NIM1K: variants seen among roughly 807,000 people sequenced by gnomAD.
NIM1K encodes the protein serine/threonine-protein kinase NIM1.
NIM1K carries 35 observed loss-of-function variants against 37.1 expected under a neutral mutation model. The ratio of observed to expected loss-of-function variants is 0.94; its 90% confidence interval spans 0.72 to 1.25. The LOEUF (loss-of-function observed/expected upper bound fraction) is 1.25, where lower values mean the gene tolerates loss of function less well. Ranked by LOEUF, NIM1K falls within the 50% of genes most tolerant of loss-of-function variation. The pLI is 0.00. For missense variants in NIM1K, 564 were observed against 548.0 expected, an observed-to-expected ratio of 1.03 and a Z score of -0.29; for synonymous variants, 234 against 206.6, an observed-to-expected ratio of 1.13 and a Z score of -1.14.
chr5:43,218,853 A>T (rs1433979023), intron 1 of NIM1K, among the ~76,000 whole-genome samples: 1 of 151,400 alleles, frequency 6.6e-6, no homozygotes, highest in East Asian at 1.9e-4. Context: ...TCCACCCACC[A>T]TGAGCTGAGA....
chr5:43,195,927 G>A (rs1485671914), intron 1 of NIM1K, among the ~76,000 whole-genome samples: 1 of 152,214 alleles, frequency 6.6e-6, no homozygotes, highest in Non-Finnish European at 1.5e-5. Context: ...GGAAAACGAA[G>A]TTGCAGAATA....
chr5:43,280,432 A>G lies in NIM1K; in HGVS notation c.1014A>G (p.Gln338=), dbSNP rs770228905. Residue 338 remains glutamine, a synonymous_variant, in exon 4 of 4, where the codon CAA becomes CAG. Coordinates refer to ENST00000326035, the MANE Select transcript of NIM1K (RefSeq NM_153361.4). ...VPYPTPLEPF[Q]LDPKHLSETS... is the part of the protein sequence containing the mutation. ...ACCCTACACCTTTGGAACCTTTCCAACTGGATCCCAAACATTTGTCGGAAA... is the reference window on the plus strand; with the variant it reads ...ACCCTACACCTTTGGAACCTTTCCAGCTGGATCCCAAACATTTGTCGGAAA... The G allele has an allele frequency of 7.4e-6, 12 of 1,614,058 alleles. No individual in the cohort carries two copies. The highest frequency in any genetic ancestry group is 3.3e-5 in the South Asian group (3 of 91,078).
intron 1 of NIM1K, chr5:43,232,459 G>A (rs1752553804): frequency 1.0e-5 from 15 of 1,494,012 alleles, no homozygotes; most frequent in Non-Finnish European, 1.3e-5. Flanking sequence ...GGGAAGCAGT[G>A]ATGGAGGACA....
intron 2 of NIM1K, among the ~76,000 whole-genome samples, chr5:43,271,267 T>C (rs1753252172): frequency 6.6e-6 from 1 of 152,164 alleles, no homozygotes; most frequent in Non-Finnish European, 1.5e-5. Context: ...ATATTTTTCC[T>C]TCTTCCCCGT....
intron 2 of NIM1K, among the ~76,000 whole-genome samples, chr5:43,271,390 G>GAA (rs1176257256): frequency 4.2e-4 from 64 of 151,918 alleles, no homozygotes; most frequent in Non-Finnish European, 1.3e-4. Context: ...AAAAATACTA[G>GAA]AACTTCCTTT....
intron 1 of NIM1K, among the ~76,000 whole-genome samples, chr5:43,233,702 G>A (rs1381130968): frequency 2.6e-5 from 4 of 152,178 alleles, no homozygotes; most frequent in Non-Finnish European, 4.4e-5. Context: ...AAGTTACAAG[G>A]CAGCAAAAGA....
chr5:43,204,568 GGT>G (rs1450468718), intron 1 of NIM1K, among the ~76,000 whole-genome samples: 1 of 151,804 alleles, frequency 6.6e-6, no homozygotes, highest in African/African-American at 2.4e-5. Context: ...AGGCGGGCAT[GGT>G]GGTGGGTGCC....
At chr5:43,274,412 G>A (rs955424608) in intron 2 of NIM1K, among the ~76,000 whole-genome samples, 1 of 152,116 alleles carries the variant, frequency 6.6e-6, no homozygotes, top group Admixed American at 6.5e-5. Context: ...GAGAACTGAG[G>A]AGAAGCAGTG....
chr5:43,238,606 C>G (rs1195106482), intron 1 of NIM1K, among the ~76,000 whole-genome samples: 1 of 151,820 alleles, frequency 6.6e-6, no homozygotes, highest in Non-Finnish European at 1.5e-5. Flanking sequence ...TTCAGTCATT[C>G]ATTCTAAGCA....
In NIM1K at chr5:43,280,055, GGCGATTTTGGATTCA is replaced by G; in HGVS notation, c.640_654del (p.Asp214_Ser218del). The G allele has an allele frequency of 1.9e-6, 3 of 1,614,112 alleles. No individual in the cohort carries two copies. The highest frequency in any genetic ancestry group is 1.7e-6 in the Non-Finnish European group (2 of 1,180,006). ...TACCAGTAATACTTGTGTGAAGGTG[GGCGATTTTGGATTCA>G]GCACAGTAAGCAAAAAAGGTGAAAT... On this transcript the variant is annotated inframe_deletion, in exon 4 of 4. Transcript: ENST00000326035.
At chr5:43,232,546 G>A in intron 1 of NIM1K, 1 of 1,579,370 alleles carries the variant, frequency 6.3e-7, no homozygotes, top group Admixed American at 1.7e-5. Context: ...GATATCATAA[G>A]TGGCCTCATT....
chr5:43,216,472 A>T (rs756343087), intron 1 of NIM1K, among the ~76,000 whole-genome samples: 4 of 152,238 alleles, frequency 2.6e-5, no homozygotes, highest in Non-Finnish European at 5.9e-5. Context: ...TGGTAGTGCA[A>T]TAAAGAAAGG....
chr5:43,270,047 T>G (rs1370778364), intron 2 of NIM1K, among the ~76,000 whole-genome samples: 1 of 152,216 alleles, frequency 6.6e-6, no homozygotes, highest in Non-Finnish European at 1.5e-5. Context: ...GCTGGTCTGG[T>G]AGTTACAAAT....
At chr5:43,267,863 C>T (rs1753188620) in intron 2 of NIM1K, among the ~76,000 whole-genome samples, 3 of 152,068 alleles carry the variant, frequency 2.0e-5, no homozygotes, top group Admixed American at 6.6e-5. Flanking sequence ...TGTTTTGTAG[C>T]CAATCTTATG....
chr5:43,251,360 G>T (rs193132675), intron 2 of NIM1K, among the ~76,000 whole-genome samples: 1 of 152,316 alleles, frequency 6.6e-6, no homozygotes, highest in Non-Finnish European at 1.5e-5. Flanking sequence ...TTTTTACGCT[G>T]TGATTCAGTG....
At chr5:43,279,097 C>T (rs1165656127) in intron 3 of NIM1K, among the ~76,000 whole-genome samples, 2 of 152,200 alleles carry the variant, frequency 1.3e-5, no homozygotes, top group African/African-American at 2.4e-5. Context: ...GCCATTTCTC[C>T]AACGCTCTGC....
At chr5:43,219,534 C>T (rs1752352112) in intron 1 of NIM1K, among the ~76,000 whole-genome samples, 1 of 152,110 alleles carries the variant, frequency 6.6e-6, no homozygotes, top group East Asian at 1.9e-4. Context: ...AGCCACCATA[C>T]CTGTCCTGGG....
chr5:43,223,161 G>C (rs1752405959), intron 1 of NIM1K, among the ~76,000 whole-genome samples: 2 of 128,446 alleles, frequency 1.6e-5, no homozygotes, highest in South Asian at 5.0e-4. Flanking sequence ...AAAAAAAAAA[G>C]TTAGGTTGTT....
At chr5:43,226,794 T>A (rs969420346) in intron 1 of NIM1K, among the ~76,000 whole-genome samples, 1 of 152,118 alleles carries the variant, frequency 6.6e-6, no homozygotes, top group Non-Finnish European at 1.5e-5. Context: ...CTCACACAAA[T>A]GAGCTAGAAA....
Sources: allele counts gnomAD v4.1 joint callset (sites outside exome capture counted in the v4.1 genomes callset), GRCh38; gene constraint gnomAD v4.1.1; transcripts MANE v1.5; gene names NCBI Gene and HGNC (gene_info 2026-07-23, HGNC 2026-07-21).